The following KANSL1 variants were observed in gnomAD, a reference collection of about 807,000 sequenced individuals.
KANSL1 encodes MLL1/MLL complex subunit KANSL1.
KANSL1 carries 22 observed loss-of-function variants against 103.6 expected under a neutral mutation model. The ratio of observed to expected loss-of-function variants is 0.21; its 90% CI spans 0.15 to 0.30. KANSL1 has a LOEUF of 0.30. Among genes scored for constraint, KANSL1 ranks in the 10% least tolerant of loss-of-function variants. KANSL1 has a pLI of 1.00. For missense variants in KANSL1, 1,337 were observed against 1,399.8 expected, an observed-to-expected ratio of 0.96 and a Z score of 0.72; for synonymous variants, 600 against 527.6, an observed-to-expected ratio of 1.14 and a Z score of -1.88.
intron 1 of KANSL1, among the ~76,000 whole-genome samples, chr17:46,192,214 G>A (rs1342080221): frequency 6.6e-6 from 1 of 151,764 alleles, no homozygotes; most frequent in Non-Finnish European, 1.5e-5. Flanking sequence ...TATTTGCTAA[G>A]AATCAAAAGA....
At chr17:46,154,953 C>G (rs1006041839) in intron 2 of KANSL1, among the ~76,000 whole-genome samples, 1 of 152,174 alleles carries the variant, frequency 6.6e-6, no homozygotes, top group Non-Finnish European at 1.5e-5. Context: ...TAAGCCACCA[C>G]GAGCAGCCTA....
chr17:46,062,016 CG>C (rs2146604219), intron 6 of KANSL1, among the ~76,000 whole-genome samples: 1 of 144,618 alleles, frequency 6.9e-6, no homozygotes, highest in East Asian at 2.1e-4. Context: ...TGCTTGAACC[CG>C]GGAGGCGGAG....
intron 2 of KANSL1, among the ~76,000 whole-genome samples, chr17:46,110,714 G>A (rs2042766116): frequency 6.6e-6 from 1 of 152,068 alleles, no homozygotes; most frequent in African/African-American, 2.4e-5. Flanking sequence ...ATGCTATTTA[G>A]AAATACTAAT....
At chr17:46,110,727 A>G (rs926052786) in intron 2 of KANSL1, among the ~76,000 whole-genome samples, 1 of 152,250 alleles carries the variant, frequency 6.6e-6, no homozygotes, top group African/African-American at 2.4e-5. Flanking sequence ...ATACTAATGG[A>G]AAAGAATACT....
intron 2 of KANSL1, among the ~76,000 whole-genome samples, chr17:46,131,467 T>C (rs1349257697): frequency 2.0e-5 from 3 of 152,234 alleles, no homozygotes; most frequent in Non-Finnish European, 4.4e-5. Flanking sequence ...GGTAAAAAAC[T>C]TGAATGCCAT....
At chr17:46,208,009 G>A (rs561000028) in intron 1 of KANSL1, among the ~76,000 whole-genome samples, 1 of 152,202 alleles carries the variant, frequency 6.6e-6, no homozygotes, top group East Asian at 1.9e-4. Context: ...TACTGGGGAA[G>A]CTGAGGCAGG....
At chr17:46,210,251 G>C (rs1302890197) in intron 1 of KANSL1, among the ~76,000 whole-genome samples, 1 of 152,094 alleles carries the variant, frequency 6.6e-6, no homozygotes, top group Non-Finnish European at 1.5e-5. Flanking sequence ...GAGGCGGGTG[G>C]ATCATGAGGT....
intron 2 of KANSL1, among the ~76,000 whole-genome samples, chr17:46,098,699 G>A (rs780713473): frequency 1.7e-4 from 26 of 152,184 alleles, no homozygotes; most frequent in Non-Finnish European, 3.8e-4. Flanking sequence ...TTATGAACAA[G>A]TTTCATTTTA....
intron 3 of KANSL1, chr17:46,093,542 T>C (rs570406576): frequency 2.6e-5 from 4 of 152,750 alleles, no homozygotes; most frequent in Non-Finnish European, 5.9e-5. Context: ...CGCAGTGACA[T>C]TTTTAGAATA....
chr17:46,153,002 T>C (rs1056055266), intron 2 of KANSL1: 1 of 152,238 alleles, frequency 6.6e-6, no homozygotes, highest in African/African-American at 2.4e-5. Context: ...TGAGCACATC[T>C]GACATAAAAC....
chr17:46,047,249 G>GA (rs747126067), intron 7 of KANSL1, among the ~76,000 whole-genome samples: 1 of 152,204 alleles, frequency 6.6e-6, no homozygotes, highest in Non-Finnish European at 1.5e-5. Flanking sequence ...AACAGATGCA[G>GA]AACAGGGGAT....
chr17:46,126,989 A>G (rs747669400), intron 2 of KANSL1, among the ~76,000 whole-genome samples: 3 of 152,262 alleles, frequency 2.0e-5, no homozygotes, highest in Non-Finnish European at 4.4e-5. Flanking sequence ...GGGGATCCAC[A>G]GGAAATTCAA....
chr17:46,092,086 C>T (rs1473836086), intron 3 of KANSL1, among the ~76,000 whole-genome samples: 28 of 152,208 alleles, frequency 1.8e-4, no homozygotes, highest in African/African-American at 6.8e-4. Flanking sequence ...TCCCATGCCT[C>T]GGCCTCCCAA....
chr17:46,070,267 T>C (rs899466264), intron 4 of KANSL1, among the ~76,000 whole-genome samples: 3 of 152,094 alleles, frequency 2.0e-5, no homozygotes, highest in African/African-American at 7.2e-5. Context: ...TTAAAAAGAA[T>C]CATAAAGGAT....
chr17:46,048,558 ACT>A (rs1349394098), intron 7 of KANSL1, among the ~76,000 whole-genome samples: 3 of 152,126 alleles, frequency 2.0e-5, no homozygotes, highest in Admixed American at 2.0e-4. Flanking sequence ...CAAAAGCGAG[ACT>A]CTGTCTCAAA....
chr17:46,182,532 C>T (rs1051845126), intron 1 of KANSL1, among the ~76,000 whole-genome samples: 3 of 152,214 alleles, frequency 2.0e-5, no homozygotes, highest in Non-Finnish European at 4.4e-5. Context: ...TATCAATTTC[C>T]TTGGCCAACA....
chr17:46,090,134 G>A (rs1353301541), intron 3 of KANSL1, among the ~76,000 whole-genome samples: 1 of 152,210 alleles, frequency 6.6e-6, no homozygotes, highest in Non-Finnish European at 1.5e-5. Context: ...GAGAAAGATG[G>A]TCATATGAAG....
chr17:46,172,381 G>A (rs1381598263), intron 1 of KANSL1, 149 bp from the exon 2 acceptor site: 3 of 541,384 alleles, frequency 5.5e-6, no homozygotes, highest in Non-Finnish European at 9.5e-6. Context: ...TTATTCTAGA[G>A]ACCCAAATAT....
chr17:46,198,197 C>T (rs542858597), upstream of KANSL1, among the ~76,000 whole-genome samples: 3 of 152,276 alleles, frequency 2.0e-5, no homozygotes, highest in East Asian at 5.8e-4. Context: ...CTGCCTCCCT[C>T]ACTTATTCTT....
Sources: gnomAD v4.1 joint callset for allele counts (sites outside exome capture counted in the v4.1 genomes callset) on GRCh38, gnomAD v4.1.1 for gene constraint, MANE v1.5 for transcripts, NCBI Gene and HGNC (gene_info 2026-07-23, HGNC 2026-07-21) for gene names.